Variants in POT1 observed in about 807,000 individuals in gnomAD.
The protein encoded by POT1 is protection of telomeres protein 1.
Under a neutral mutation model 78.5 loss-of-function variants are expected in POT1, and 47 were observed. The ratio of observed to expected loss-of-function variants is 0.60; its 90% CI spans 0.47 to 0.76. The LOEUF is 0.76. Ranked by LOEUF, POT1 falls within the 30% of genes least tolerant of loss-of-function variation. The pLI, the probability that POT1 is intolerant of heterozygous loss-of-function variation, is 0.00. For synonymous variants in POT1, 259 were observed against 260.7 expected (o/e 0.99, Z 0.06); for missense variants, 646 against 749.9 (o/e 0.86, Z 1.62).
chr7:124,837,459 C>G (rs747286315), intron 14 of POT1, among the ~76,000 whole-genome samples: 10 of 152,042 alleles, frequency 6.6e-5, no homozygotes, highest in Non-Finnish European at 1.2e-4. Flanking sequence ...TTCGAACCCA[C>G]AAGTTTGACA....
chr7:124,851,815 G>T, intron 11 of POT1, 57 bp downstream of exon 11: 1 of 1,178,852 alleles, frequency 8.5e-7, no homozygotes. Context: ...GAATTATGTT[G>T]ATAAAACTAT....
At chr7:124,833,873 A>G (rs1794829279) in intron 15 of POT1, among the ~76,000 whole-genome samples, 1 of 152,250 alleles carries the variant, frequency 6.6e-6, no homozygotes. Flanking sequence ...TGCTGAACAT[A>G]TAGTAACCAA....
chr7:124,880,289 A>G (rs1796086965), intron 6 of POT1, among the ~76,000 whole-genome samples: 1 of 152,138 alleles, frequency 6.6e-6, no homozygotes, highest in Non-Finnish European at 1.5e-5. Context: ...TCAGATTTTA[A>G]GCTGCAGTAA....
intron 3 of POT1, among the ~76,000 whole-genome samples, chr7:124,913,256 C>A: frequency 6.6e-6 from 1 of 152,098 alleles, no homozygotes; most frequent in East Asian, 1.9e-4. Context: ...ATATCAACAA[C>A]CATCAGTATT....
chr7:124,842,888 CG>C lies in POT1; in HGVS notation c.1081del (p.Arg361AlafsTer6). On this transcript the variant is annotated frameshift_variant, in exon 13 of 19. Coordinates refer to ENST00000357628, the MANE Select transcript of POT1 (RefSeq NM_015450.3). LOFTEE classifies it high-confidence loss of function. ...ATATGACCTCAATTTTGCTCGGATG[CG>C]GTATTGTTGAGGAGCTTTTTGTTTC... ...ILKQKAPQQYRIRAKLRSYKP... is the reference protein window; with the variant it reads ...ILKQKAPQQYXIRAKLRSYKP... 6.2e-7 allele frequency: 1 copy of C among 1,610,420 alleles called. No individual in the cohort carries two copies. Among genetic ancestry groups the C allele is most frequent in the Non-Finnish European group, 8.5e-7 (1 of 1,178,482 alleles).
At chr7:124,865,698 TATTA>T (rs1474561547) in intron 7 of POT1, among the ~76,000 whole-genome samples, 2 of 151,434 alleles carry the variant, frequency 1.3e-5, no homozygotes, top group Non-Finnish European at 2.9e-5. Context: ...TTATTTTATT[TATTA>T]ATTATTATTA....
intron 3 of POT1, among the ~76,000 whole-genome samples, chr7:124,899,737 A>C (rs1796575168): frequency 1.0e-5 from 1 of 95,872 alleles, no homozygotes; most frequent in South Asian, 3.5e-4. Flanking sequence ...AAATTATCCA[A>C]GTAGAAAAAA....
At chr7:124,893,017 C>T (rs1024044073) in intron 5 of POT1, among the ~76,000 whole-genome samples, 2 of 151,384 alleles carry the variant, frequency 1.3e-5, no homozygotes, top group African/African-American at 4.8e-5. Context: ...ATACAAGTTA[C>T]ATCTCTTGTA....
intron 7 of POT1, among the ~76,000 whole-genome samples, chr7:124,866,896 T>C (rs1795739738): frequency 6.6e-6 from 1 of 152,244 alleles, no homozygotes; most frequent in Non-Finnish European, 1.5e-5. Flanking sequence ...TATACTTGCC[T>C]ACAACTGATC....
intron 14 of POT1, among the ~76,000 whole-genome samples, chr7:124,839,804 T>TA (rs1794982623): frequency 6.6e-6 from 1 of 152,094 alleles, no homozygotes; most frequent in African/African-American, 2.4e-5. Flanking sequence ...ACCAGAGTGG[T>TA]AAATTTAGTC....
intron 2 of POT1, among the ~76,000 whole-genome samples, chr7:124,927,963 A>G (rs1026178827): frequency 6.6e-6 from 1 of 152,106 alleles, no homozygotes; most frequent in Non-Finnish European, 1.5e-5. Flanking sequence ...TCTACTTCAT[A>G]TCATCAATAT....
chr7:124,870,982 A>G lies in POT1; in HGVS notation c.184T>C (p.Phe62Leu). 6.2e-7 allele frequency: 1 copy of G among 1,610,758 alleles called. No individual in the cohort carries two copies. The highest frequency in any genetic ancestry group is 8.5e-7 in the Non-Finnish European group (1 of 1,177,864). Residue 62 changes from phenylalanine to leucine, a missense_variant, in exon 7 of 19, where the codon TTT (phenylalanine) becomes CTT (leucine). This residue lies in a region of POT1 where 252 missense variants were observed against 341.4 expected (regional missense o/e 0.74). Coordinates refer to ENST00000357628, the MANE Select transcript of POT1 (RefSeq NM_015450.3). ...GGAAGGGCTTCATAGTTTCCACTAA[A>G]GAGCAGGCAAGTTAGTTTTACATTT... is the stretch of plus-strand genomic sequence containing the variant. ...QTNVKLTCLL[F>L]SGNYEALPII...
intron 1 of POT1, among the ~76,000 whole-genome samples, 165 bp from the exon 2 acceptor site, chr7:124,929,164 A>T (rs1043062938): frequency 1.3e-5 from 2 of 152,226 alleles, no homozygotes; most frequent in African/African-American, 4.8e-5. Flanking sequence ...TCAATACAAA[A>T]CATTCTTCCA....
intron 12 of POT1, among the ~76,000 whole-genome samples, chr7:124,846,182 C>CACACACA (rs1290882502): frequency 6.6e-6 from 1 of 152,000 alleles, no homozygotes; most frequent in East Asian, 1.9e-4. Flanking sequence ...CACACACACA[C>CACACACA]ACCCCTATAA....
At chr7:124,899,296 A>G (rs1032483571) in intron 3 of POT1, among the ~76,000 whole-genome samples, 1 of 152,140 alleles carries the variant, frequency 6.6e-6, no homozygotes, top group African/African-American at 2.4e-5. Flanking sequence ...GAATCAAACG[A>G]AAGACCTTAT....
chr7:124,886,731 C>T (rs547521114), intron 6 of POT1, among the ~76,000 whole-genome samples: 1 of 152,096 alleles, frequency 6.6e-6, no homozygotes, highest in Non-Finnish European at 1.5e-5. Flanking sequence ...AGATATAAGA[C>T]ACATATGAAA....
chr7:124,883,900 G>A (rs1212079142), intron 6 of POT1, among the ~76,000 whole-genome samples: 1 of 149,448 alleles, frequency 6.7e-6, no homozygotes, highest in African/African-American at 2.5e-5. Context: ...AAATCAGAAG[G>A]CTCCTAGGTC....
intron 16 of POT1, 133 bp downstream of exon 16, chr7:124,829,121 G>T: frequency 1.3e-6 from 1 of 782,996 alleles, no homozygotes; most frequent in Non-Finnish European, 2.3e-6. Flanking sequence ...TACAAAGTCT[G>T]TTTATCTTAC....
chr7:124,836,720 C>A, intron 14 of POT1, among the ~76,000 whole-genome samples: 2 of 152,104 alleles, frequency 1.3e-5, no homozygotes, highest in East Asian at 3.9e-4. Flanking sequence ...ACAGTTTCCC[C>A]ATTTGCAAAA....
Sources: gnomAD v4.1 joint callset for allele counts (sites outside exome capture counted in the v4.1 genomes callset) on GRCh38, gnomAD v4.1.1 for gene constraint, gnomAD v4.1.1 regional missense constraint, MANE v1.5 for transcripts, NCBI Gene and HGNC (gene_info 2026-07-23, HGNC 2026-07-21) for gene names.